Variants in RAB38 observed in about 807,000 individuals in gnomAD.
The protein encoded by RAB38 is ras-related protein Rab-38.
A neutral mutation model predicts 18.4 loss-of-function variants in RAB38; 15 were observed. The observed-to-expected ratio is 0.82, with a 90% confidence interval of 0.55 to 1.26. RAB38 has a LOEUF of 1.26. RAB38 is among the 50% of genes most tolerant of loss of function. The pLI is 0.00. For missense variants in RAB38, 294 were observed against 267.4 expected, an observed-to-expected ratio of 1.10 and a Z score of -0.69; for synonymous variants, 101 against 104.4, an observed-to-expected ratio of 0.97 and a Z score of 0.20.
At position 88,175,223 on chromosome 11, in the gene RAB38, G is replaced by T; in HGVS notation, c.162C>A (p.Asp54Glu). 1 of 1,613,850 alleles carries T rather than the reference G, an allele frequency of 6.2e-7. No individual in the cohort carries two copies. Among genetic ancestry groups the T allele is most frequent in the Non-Finnish European group, 8.5e-7 (1 of 1,179,918 alleles). The change falls in exon 1 of 3, where the codon GAC (aspartate) becomes GAA (glutamate). Residue 54 changes from aspartate to glutamate, a missense_variant. Asp to Glu is a conservative substitution (Grantham distance 45, BLOSUM62 2). Coordinates refer to ENST00000243662, the MANE Select transcript of RAB38 (RefSeq NM_022337.3). ...VDFALKVLHW[D>E]PETVVRLQLW... ...GCTGCAGGCGCACCACAGTCTCCGGGTCCCAGTGGAGCACCTTGAGCGCGA... is the reference window on the plus strand; with the variant it reads ...GCTGCAGGCGCACCACAGTCTCCGGTTCCCAGTGGAGCACCTTGAGCGCGA...
chr11:87,838,737 T>C, the RAB38 span, among the ~76,000 whole-genome samples: 1 of 152,174 alleles, frequency 6.6e-6, no homozygotes, highest in Non-Finnish European at 1.5e-5. Flanking sequence ...TTAATTCAAA[T>C]CCTACACTGT....
chr11:87,849,533 A>G, the RAB38 span, among the ~76,000 whole-genome samples: 1 of 152,086 alleles, frequency 6.6e-6, no homozygotes, highest in Non-Finnish European at 1.5e-5. Flanking sequence ...GCAGCATCAG[A>G]GAGACAGTTT....
the RAB38 span, among the ~76,000 whole-genome samples, chr11:87,978,010 T>C: frequency 3.6e-5 from 2 of 54,824 alleles, no homozygotes; most frequent in Admixed American, 5.2e-4. Context: ...ATTTTAATAT[T>C]ATATAAATAT....
At chr11:88,003,854 T>TAGATTGTATAA in the RAB38 span, among the ~76,000 whole-genome samples, 1 of 3,750 alleles carries the variant, frequency 2.7e-4, no homozygotes, top group African/African-American at 6.4e-4. Context: ...ATATATATAA[T>TAGATTGTATAA]TATATAAATA....
At chr11:87,884,173 T>G in the RAB38 span, among the ~76,000 whole-genome samples, 1 of 151,970 alleles carries the variant, frequency 6.6e-6, no homozygotes, top group Admixed American at 6.6e-5. Flanking sequence ...GTAGGTCACC[T>G]ATAAATAAAA....
At chr11:88,073,864 T>A in the RAB38 span, among the ~76,000 whole-genome samples, 2 of 152,072 alleles carry the variant, frequency 1.3e-5, no homozygotes, top group Non-Finnish European at 2.9e-5. Context: ...GCAGAAATTT[T>A]AGAACTGAGG....
At chr11:87,893,829 A>G in the RAB38 span, among the ~76,000 whole-genome samples, 3 of 151,662 alleles carry the variant, frequency 2.0e-5, no homozygotes, top group Non-Finnish European at 4.4e-5. Context: ...TTGGGGTAGT[A>G]TATGAAATCA....
chr11:87,897,438 C>T, the RAB38 span, among the ~76,000 whole-genome samples: 51 of 151,448 alleles, frequency 3.4e-4, no homozygotes, highest in African/African-American at 1.2e-3. Flanking sequence ...TGGGAAATAC[C>T]CTATTTCCCA....
chr11:88,168,819 C>G (rs1239481515), intron 1 of RAB38, among the ~76,000 whole-genome samples: 1 of 152,188 alleles, frequency 6.6e-6, no homozygotes, highest in Admixed American at 6.5e-5. Context: ...GGACTCCAGT[C>G]ACTTCTTAAA....
the RAB38 span, among the ~76,000 whole-genome samples, chr11:87,939,493 A>G: frequency 3.9e-5 from 6 of 152,146 alleles, no homozygotes; most frequent in African/African-American, 1.4e-4. Context: ...TTCAACTTAA[A>G]TGACTACAGT....
chr11:87,885,046 T>C, the RAB38 span, among the ~76,000 whole-genome samples: 1 of 151,984 alleles, frequency 6.6e-6, no homozygotes, highest in African/African-American at 2.4e-5. Flanking sequence ...TCAAATCATC[T>C]GCAGGCAAGT....
chr11:88,041,500 A>T, the RAB38 span, among the ~76,000 whole-genome samples: 13 of 152,330 alleles, frequency 8.5e-5, no homozygotes, highest in Non-Finnish European at 1.9e-4. Context: ...TACCCAAATG[A>T]TTCAGAGTAC....
the RAB38 span, among the ~76,000 whole-genome samples, chr11:88,091,262 G>C: frequency 6.6e-6 from 1 of 151,974 alleles, no homozygotes; most frequent in East Asian, 1.9e-4. Flanking sequence ...CTGGGTGAAG[G>C]TCTCTCTAGG....
chr11:88,039,275 G>A, the RAB38 span, among the ~76,000 whole-genome samples: 3 of 152,086 alleles, frequency 2.0e-5, no homozygotes, highest in Non-Finnish European at 4.4e-5. Flanking sequence ...TTTTGATCAT[G>A]TGAGTCTTTT....
chr11:88,025,500 A>G, the RAB38 span, among the ~76,000 whole-genome samples: 1 of 152,118 alleles, frequency 6.6e-6, no homozygotes, highest in Admixed American at 6.5e-5. Flanking sequence ...TTTCACCAAC[A>G]GTGTATGTGT....
chr11:88,053,023 T>TG, the RAB38 span, among the ~76,000 whole-genome samples: 1 of 71,878 alleles, frequency 1.4e-5, no homozygotes, highest in Non-Finnish European at 2.7e-5. Context: ...CACATATATA[T>TG]GGAATATATA....
At chr11:88,006,556 G>T in the RAB38 span, among the ~76,000 whole-genome samples, 1 of 137,870 alleles carries the variant, frequency 7.3e-6, no homozygotes, top group South Asian at 2.2e-4. Context: ...AATGGATAAA[G>T]AATACATTAT....
the RAB38 span, among the ~76,000 whole-genome samples, chr11:87,953,855 GTT>G: frequency 9.5e-5 from 13 of 136,278 alleles, no homozygotes; most frequent in African/African-American, 2.9e-4. Context: ...GTGTTTTAGT[GTT>G]TTTTTTTTTT....
chr11:88,150,877 T>A (rs755305359), intron 1 of RAB38, among the ~76,000 whole-genome samples: 3 of 152,204 alleles, frequency 2.0e-5, no homozygotes, highest in Non-Finnish European at 4.4e-5. Flanking sequence ...TGAATTTGAC[T>A]GAACAGATAT....
Sources: allele counts gnomAD v4.1 joint callset (sites outside exome capture counted in the v4.1 genomes callset), GRCh38; gene constraint gnomAD v4.1.1; transcripts MANE v1.5; gene names NCBI Gene and HGNC (gene_info 2026-07-23, HGNC 2026-07-21).